Variants in ZC3H12B observed in about 807,000 individuals in gnomAD.
The protein encoded by ZC3H12B is zinc finger CCCH-type containing 12B, also known as probable ribonuclease ZC3H12B.
Under a neutral mutation model 43.9 loss-of-function variants are expected in ZC3H12B, and 7 were observed. The observed-to-expected ratio is 0.16, with a 90% CI of 0.09 to 0.30. ZC3H12B has a LOEUF of 0.30. Ranked by LOEUF, ZC3H12B falls within the 10% of genes least tolerant of loss-of-function variation. The probability of loss-of-function intolerance (pLI) is 1.00; values close to 1 mark genes in which losing one functional copy is unlikely to be tolerated. For synonymous variants in ZC3H12B, 222 were observed against 241.7 expected (o/e 0.92, Z 0.76); for missense variants, 475 against 670.2 (o/e 0.71, Z 3.22).
intron 3 of ZC3H12B, chrX:65,470,229 C>T (rs57922721): frequency 0.075 from 9,139 of 121,208 alleles, 1,031 homozygotes; most frequent in African/African-American, 0.29. Flanking sequence ...GGTGGAGGGC[C>T]GGCCCCTTAT....
At chrX:65,311,239 T>C in the ZC3H12B span, among the ~76,000 whole-genome samples, 3 of 111,479 alleles carry the variant, frequency 2.7e-5, no homozygotes, top group African/African-American at 9.8e-5. Context: ...ATTTTTGCAA[T>C]CCACCCCTCT....
At chrX:65,167,475 G>T in the ZC3H12B span, among the ~76,000 whole-genome samples, 2 of 111,647 alleles carry the variant, frequency 1.8e-5, no homozygotes, top group Non-Finnish European at 3.8e-5. Flanking sequence ...GTCAGGTAGC[G>T]TGATGCCTCC....
chrX:65,476,607 G>A (rs1257195209), intron 3 of ZC3H12B, among the ~76,000 whole-genome samples: 1 of 111,258 alleles, frequency 9.0e-6, no homozygotes, highest in Non-Finnish European at 1.9e-5. Flanking sequence ...GAACTGTGGT[G>A]CCACTCATTT....
At chrX:65,065,792 T>C in the ZC3H12B span, among the ~76,000 whole-genome samples, 2 of 110,666 alleles carry the variant, frequency 1.8e-5, no homozygotes. Flanking sequence ...CAATCATAGA[T>C]TTGGTCTTTT....
intron 2 of ZC3H12B, among the ~76,000 whole-genome samples, chrX:65,375,513 C>T (rs1191074396): frequency 1.8e-5 from 2 of 111,934 alleles, no homozygotes; most frequent in African/African-American, 6.5e-5. Context: ...CAGCACAGCT[C>T]ATGGCTGCGA....
intron 2 of ZC3H12B, among the ~76,000 whole-genome samples, chrX:65,379,698 G>C (rs1245721393): frequency 9.0e-6 from 1 of 111,562 alleles, no homozygotes; most frequent in Non-Finnish European, 1.9e-5. Context: ...CAAAGAAGTT[G>C]AAAACTTTGA....
At chrX:65,154,190 C>T in the ZC3H12B span, among the ~76,000 whole-genome samples, 3 of 111,294 alleles carry the variant, frequency 2.7e-5, no homozygotes, top group Non-Finnish European at 5.7e-5. Context: ...TGTAACTAAC[C>T]TGCACATTGT....
the ZC3H12B span, among the ~76,000 whole-genome samples, chrX:65,355,954 CA>C: frequency 8.9e-6 from 1 of 111,807 alleles, no homozygotes; most frequent in African/African-American, 3.2e-5. Context: ...GATTCTGTCT[CA>C]AAAACAAATA....
the ZC3H12B span, among the ~76,000 whole-genome samples, chrX:65,339,825 C>A: frequency 8.9e-6 from 1 of 112,032 alleles, no homozygotes; most frequent in African/African-American, 3.3e-5. Flanking sequence ...AGCCCACCCA[C>A]TTCCTCTCTA....
chrX:65,426,031 A>G (rs1337106979), intron 3 of ZC3H12B, among the ~76,000 whole-genome samples: 9 of 109,942 alleles, frequency 8.2e-5, no homozygotes, highest in Non-Finnish European at 1.5e-4. Flanking sequence ...TTCAGTACAA[A>G]TGGTACCAGC....
intron 2 of ZC3H12B, among the ~76,000 whole-genome samples, chrX:65,389,037 G>T (rs6624788): frequency 8.9e-6 from 1 of 112,100 alleles, no homozygotes; most frequent in Non-Finnish European, 1.9e-5. Flanking sequence ...TGAGGTGTCA[G>T]TCTTCCCCTA....
At chrX:65,063,687 G>T in the ZC3H12B span, among the ~76,000 whole-genome samples, 1 of 112,181 alleles carries the variant, frequency 8.9e-6, no homozygotes, top group Non-Finnish European at 1.9e-5. Context: ...GAGTTAGGGA[G>T]GAATCCCTCT....
chrX:65,109,579 A>C, the ZC3H12B span, among the ~76,000 whole-genome samples: 1 of 111,814 alleles, frequency 8.9e-6, no homozygotes, highest in Non-Finnish European at 1.9e-5. Flanking sequence ...TACTACATGT[A>C]GTTTATCCAT....
chrX:65,131,893 C>A, the ZC3H12B span, among the ~76,000 whole-genome samples: 2 of 110,951 alleles, frequency 1.8e-5, no homozygotes, highest in African/African-American at 3.3e-5. Context: ...TGAGAAGATT[C>A]AAAGGAGGGT....
At chrX:65,301,233 G>T in the ZC3H12B span, among the ~76,000 whole-genome samples, 1 of 111,539 alleles carries the variant, frequency 9.0e-6, no homozygotes, top group Non-Finnish European at 1.9e-5. Flanking sequence ...TACACTGCTG[G>T]TGGGAATGTA....
At chrX:65,386,298 C>T (rs953974600) in intron 2 of ZC3H12B, among the ~76,000 whole-genome samples, 1 of 111,346 alleles carries the variant, frequency 9.0e-6, no homozygotes, top group African/African-American at 3.3e-5. Context: ...GGTTGGTAGG[C>T]TATTAATTAT....
chrX:65,364,814 G>A (rs769344335), upstream of ZC3H12B, among the ~76,000 whole-genome samples: 14 of 111,123 alleles, frequency 1.3e-4, no homozygotes, highest in African/African-American at 3.9e-4. Flanking sequence ...GATTGTTCAG[G>A]CCCTGTGACC....
At chrX:65,236,516 T>C in the ZC3H12B span, among the ~76,000 whole-genome samples, 2 of 112,131 alleles carry the variant, frequency 1.8e-5, no homozygotes, top group East Asian at 5.6e-4. Context: ...ACTCTGATGA[T>C]AGTTTCTTTT....
At chrX:65,366,273 G>A (rs777108604), upstream of ZC3H12B, among the ~76,000 whole-genome samples, 2 of 110,737 alleles carry the variant, frequency 1.8e-5, no homozygotes, top group Non-Finnish European at 3.8e-5. Flanking sequence ...TTTTCCAAGT[G>A]GTGGAAGTAG....
Sources: gnomAD v4.1 joint callset for allele counts (sites outside exome capture counted in the v4.1 genomes callset) on GRCh38, gnomAD v4.1.1 for gene constraint, MANE v1.5 for transcripts, NCBI Gene and HGNC (gene_info 2026-07-23, HGNC 2026-07-21) for gene names.